ARAP2: variants seen among roughly 807,000 people sequenced by gnomAD.
ARAP2 encodes ArfGAP with RhoGAP domain, ankyrin repeat and PH domain 2.
In ARAP2, 148 loss-of-function variants were observed where a neutral mutation model predicts 194.5. The observed-to-expected ratio is 0.76, with a 90% CI of 0.67 to 0.87. The LOEUF (loss-of-function observed/expected upper bound fraction) is 0.87. Among genes scored for constraint, ARAP2 ranks in the 40% least tolerant of loss-of-function variants. The pLI is 0.00. For missense variants in ARAP2, 2,128 were observed against 1,989.7 expected, an observed-to-expected ratio of 1.07 and a Z score of -1.32; for synonymous variants, 695 against 683.5, an observed-to-expected ratio of 1.02 and a Z score of -0.26.
intron 5 of ARAP2, among the ~76,000 whole-genome samples, chr4:36,022,622 C>T (rs1717191752): frequency 6.6e-6 from 1 of 152,118 alleles, no homozygotes; most frequent in Admixed American, 6.6e-5. Context: ...CTAGAAGAGT[C>T]TTTTCTCAAG....
At chr4:36,068,659 T>C (rs1223301798) in intron 32 of ARAP2, among the ~76,000 whole-genome samples, 3 of 152,232 alleles carry the variant, frequency 2.0e-5, no homozygotes, top group Non-Finnish European at 2.9e-5. Context: ...CAGTCAGCCA[T>C]GCACTCATGA....
chr4:36,008,159 CTAA>C (rs1212014717), intron 9 of ARAP2, among the ~76,000 whole-genome samples: 6 of 152,142 alleles, frequency 3.9e-5, no homozygotes, highest in Non-Finnish European at 5.9e-5. Flanking sequence ...TATCAAATTA[CTAA>C]TGTCATTTTT....
chr4:36,117,292 T>C (rs540438130), intron 24 of ARAP2, among the ~76,000 whole-genome samples, 157 bp from the exon 25 acceptor site: 112 of 151,902 alleles, frequency 7.4e-4, no homozygotes, highest in African/African-American at 2.7e-3. Flanking sequence ...ATGTGCCCAT[T>C]TCCACATATG....
At chr4:36,082,375 A>T in intron 29 of ARAP2, 89 bp from the exon 30 acceptor site, 1 of 1,342,830 alleles carries the variant, frequency 7.4e-7, no homozygotes, top group South Asian at 1.3e-5. Context: ...AGGAGATGAG[A>T]TTTAATGGTG....
chr4:36,211,814 T>C (rs111915269), intron 5 of ARAP2, among the ~76,000 whole-genome samples: 3 of 152,240 alleles, frequency 2.0e-5, no homozygotes, highest in African/African-American at 4.8e-5. Flanking sequence ...CCCAGAAATA[T>C]ATACATCTAC....
chr4:36,174,015 A>T (rs994235156), intron 9 of ARAP2, among the ~76,000 whole-genome samples: 1 of 152,176 alleles, frequency 6.6e-6, no homozygotes, highest in African/African-American at 2.4e-5. Flanking sequence ...GTTACCAGAA[A>T]CCTAATTTAT....
intron 26 of ARAP2, among the ~76,000 whole-genome samples, chr4:36,109,874 G>A (rs374215343): frequency 4.5e-4 from 52 of 115,052 alleles, no homozygotes; most frequent in Middle Eastern, 9.1e-3. Context: ...CCCCTTTTGA[G>A]CCTACTACTT....
At chr4:36,133,531 T>A (rs1212397357) in intron 19 of ARAP2, 142 bp from the exon 20 acceptor site, 2 of 719,444 alleles carry the variant, frequency 2.8e-6, no homozygotes, top group South Asian at 3.9e-5. Context: ...TTCCACTCAA[T>A]CCCTCTTTTG....
chr4:36,107,654 A>T lies in ARAP2; in HGVS notation c.4196T>A (p.Val1399Glu). ...LHYKENVLEQ[V>E]LRWSSLAEPG... ...TTCAGCTAATGAACTCCACCGAAGCACCTGCTCCAGTACATTTTCCTTGTA... is the reference window on the plus strand; with the variant it reads ...TTCAGCTAATGAACTCCACCGAAGCTCCTGCTCCAGTACATTTTCCTTGTA... Residue 1399 changes from valine (V) to glutamate (E), a missense_variant, in exon 27 of 33, where the codon GTG (valine) becomes GAG (glutamate). Physicochemically the swap from Val to Glu is moderately radical, Grantham distance 121 (BLOSUM62 -2). Transcript: ENST00000303965. The T allele has an allele frequency of 6.2e-7, 1 of 1,610,462 alleles. No individual in the cohort carries two copies. The highest frequency in any genetic ancestry group is 8.5e-7 in the Non-Finnish European group (1 of 1,177,830).
chr4:36,239,985 A>G (rs1333948711), intron 1 of ARAP2, among the ~76,000 whole-genome samples: 1 of 152,184 alleles, frequency 6.6e-6, no homozygotes, highest in Non-Finnish European at 1.5e-5. Context: ...CCACCCAGGC[A>G]GTAGTATAGA....
chr4:36,030,340 G>C (rs1718708773), intron 5 of ARAP2, among the ~76,000 whole-genome samples: 1 of 152,102 alleles, frequency 6.6e-6, no homozygotes, highest in South Asian at 2.1e-4. Flanking sequence ...TGGTGTCCTA[G>C]GGGAATTTGT....
rs781364230 is a variant in ARAP2, at chr4:36,107,602, C to T, written c.4248G>A (p.Lys1416=). The T allele has an allele frequency of 6.2e-7, 1 of 1,610,814 alleles. No individual in the cohort carries two copies. Among genetic ancestry groups the T allele is most frequent in the Non-Finnish European group, 8.5e-7 (1 of 1,178,124 alleles). Residue 1416 remains lysine (K), a synonymous_variant, in exon 27 of 33, where the codon AAG becomes AAA. Coordinates refer to ENST00000303965, the MANE Select transcript of ARAP2 (RefSeq NM_015230.4). Reference sequence around the variant, plus strand: ...TAATTGTGTCAGCGGTTAAGAATCTCTTCACCACCAGGTAAGCAGAGCCAG... The same window carrying T: ...TAATTGTGTCAGCGGTTAAGAATCTTTTCACCACCAGGTAAGCAGAGCCAG... The part of the protein sequence containing the change: ...AEPGSAYLVV[K]RFLTADTIKH...
Position 36,056,307 on chromosome 4 carries a change from C to T in ARAP2, n.321+1663G>A, listed in dbSNP as rs989104942. ...GGAGTTCATCTTCTTACAGCATGAA[C>T]GTGAAACCTGGACTGTGACCCTTGA... On this transcript the variant is annotated intron_variant and non_coding_transcript_variant, in intron 2 of 12. Coordinates refer to the ARAP2 transcript ENST00000503225. Among the ~76,000 whole-genome samples the T allele has an allele frequency of 6.6e-5, 10 of 152,254 alleles. No individual in the cohort carries two copies. In the East Asian group the frequency reaches 1.2e-3, roughly 18 times the overall value.
chr4:36,238,380 G>A (rs1159032931), intron 1 of ARAP2, among the ~76,000 whole-genome samples: 2 of 152,168 alleles, frequency 1.3e-5, no homozygotes, highest in Non-Finnish European at 2.9e-5. Context: ...AGGAAAATCC[G>A]ACGCTGAATG....
At chr4:36,213,586 C>T (rs1208024139) in intron 3 of ARAP2, among the ~76,000 whole-genome samples, 2 of 152,076 alleles carry the variant, frequency 1.3e-5, no homozygotes, top group Admixed American at 6.5e-5. Flanking sequence ...CCTTCCCAAC[C>T]TCTAGGATCC....
intron 28 of ARAP2, among the ~76,000 whole-genome samples, chr4:36,087,341 A>G (rs1258189940): frequency 6.6e-6 from 1 of 152,118 alleles, no homozygotes; most frequent in Admixed American, 6.6e-5. Context: ...TATCAGTTGC[A>G]TTAATCTATT....
chr4:36,010,788 C>G (rs186840234), intron 9 of ARAP2, among the ~76,000 whole-genome samples: 1 of 152,084 alleles, frequency 6.6e-6, no homozygotes. Context: ...CTCTGACTTG[C>G]GGGATATATG....
chr4:36,064,171 CACTTTGAGT>C (rs1268883713), downstream of ARAP2, among the ~76,000 whole-genome samples: 2 of 149,182 alleles, frequency 1.3e-5, no homozygotes, highest in African/African-American at 5.0e-5. Flanking sequence ...TGCCTTTGAG[CACTTTGAGT>C]GCTTTGCTTT....
chr4:36,125,104 G>A lies in ARAP2; in HGVS notation c.3641-137C>T, dbSNP rs540439476. 9.2e-5 allele frequency: 50 copies of A among 546,140 alleles called. 1 individual carries two copies. Among genetic ancestry groups the A allele is most frequent in the Admixed American group, 3.3e-4 (10 of 30,194 alleles). The allele number at this position is 546,140 out of a possible 1,614,324, so 33.8% of individuals were successfully genotyped here. A position where few individuals can be genotyped will look rare whatever the true frequency, so the allele number is the denominator to read the frequency against. On this transcript the variant is annotated intron_variant, in intron 21 of 32. Transcript: ENST00000303965. ...TACAATCAGGTTTCAGTAGACAATCGTTCAAAGTTCTAAAGTAATTGCCTA... is the reference window on the plus strand; with the variant it reads ...TACAATCAGGTTTCAGTAGACAATCATTCAAAGTTCTAAAGTAATTGCCTA...
Sources: allele counts gnomAD v4.1 joint callset (sites outside exome capture counted in the v4.1 genomes callset), GRCh38; gene constraint gnomAD v4.1.1; transcripts MANE v1.5; gene names NCBI Gene and HGNC (gene_info 2026-07-23, HGNC 2026-07-21).